CORO1B: variants seen among roughly 807,000 people sequenced by gnomAD.
The protein encoded by CORO1B is coronin-1B.
A neutral mutation model predicts 51.1 loss-of-function variants in CORO1B; 30 were observed. That is an observed-to-expected ratio of 0.59 (90% CI 0.44 to 0.80). CORO1B has a LOEUF of 0.80. Among genes scored for constraint, CORO1B ranks in the 30% least tolerant of loss-of-function variants. The probability of loss-of-function intolerance (pLI) is 0.00; values close to 1 mark genes in which losing one functional copy is unlikely to be tolerated. For synonymous variants in CORO1B, 310 were observed against 289.7 expected, an observed-to-expected ratio of 1.07 and a Z score of -0.71; for missense variants, 648 against 700.4, an observed-to-expected ratio of 0.93 and a Z score of 0.84.
intron 4 of CORO1B, 21 bp downstream of exon 4, chr11:67,441,712 A>G: frequency 6.6e-7 from 1 of 1,508,612 alleles, no homozygotes; most frequent in Non-Finnish European, 9.0e-7. Flanking sequence ...GGGGGAGCAC[A>G]AAACGGGGGG....
Position 67,440,275 on chromosome 11 carries a change from G to A in CORO1B, c.862-12C>T, listed in dbSNP as rs756947197. 3.1e-6 allele frequency: 5 copies of A among 1,612,862 alleles called. No individual in the cohort carries two copies. The highest frequency in any genetic ancestry group is 1.1e-5 in the South Asian group (1 of 91,066). On this transcript the variant is annotated splice_polypyrimidine_tract_variant and intron_variant, in intron 7 of 10. Coordinates refer to ENST00000341356, the MANE Select transcript of CORO1B (RefSeq NM_020441.3). Reference sequence around the variant, plus strand: ...ATGCTGGAGTCACCCTGTGTGGGGAGGGGGCTCAGCACCTGGGCACGCCTC... The same window carrying A: ...ATGCTGGAGTCACCCTGTGTGGGGAAGGGGCTCAGCACCTGGGCACGCCTC...
In CORO1B at chr11:67,438,837, C is replaced by T. The variant is rs533972586; in HGVS notation, c.1178G>A (p.Arg393Gln). 19 of 1,609,484 alleles carry T rather than the reference C, an allele frequency of 1.2e-5. No homozygotes were observed. The highest frequency in any genetic ancestry group is 4.0e-5 in the African/African-American group (3 of 75,026). ...CTGCTTGCTGGGCACGTAGGCCTCC[C>T]GCAGTGAGATGAGGATCGGGTCGGC... ...RDADPILISL[R>Q]EAYVPSKQRD... Residue 393 changes from arginine to glutamine, a missense_variant, in exon 10 of 11, where the codon CGG becomes CAG. Transcript: ENST00000341356.
intron 9 of CORO1B, among the ~76,000 whole-genome samples, 176 bp from the exon 10 acceptor site, chr11:67,439,125 T>C (rs997947957): frequency 2.0e-5 from 3 of 152,208 alleles, no homozygotes; most frequent in South Asian, 2.1e-4. Flanking sequence ...TCGGAAGCTT[T>C]CCCACCCTTC....
rs1281954024 is a variant in CORO1B at position 67,438,458 on chromosome 11, A to G, written c.1388T>C (p.Leu463Pro). ...GCCCTGCTCCTTGACCAGCGCCCTC[A>G]GGGCCCGCAGCTCCTGCATCACCTC... Reference protein sequence around the residue: ...LEEVMQELRALRALVKEQGDR... With the variant: ...LEEVMQELRAPRALVKEQGDR... The change falls in exon 11 of 11, where the codon CTG becomes CCG. Residue 463 changes from leucine (L) to proline (P), a missense_variant. Leu to Pro is a moderately conservative substitution (Grantham distance 98). Transcript: ENST00000341356. 1.2e-6 allele frequency: 2 copies of G among 1,610,974 alleles called. No individual in the cohort carries two copies. Among genetic ancestry groups the G allele is most frequent in the Admixed American group, 1.7e-5 (1 of 59,956 alleles).
Position 67,438,776 on chromosome 11 carries a change from A to C in CORO1B, c.1239T>G (p.Ser413=), listed in dbSNP as rs34026289. 2,935 of 1,589,036 alleles carry C rather than the reference A, an allele frequency of 1.8e-3. 40 individuals are homozygous for C. The African/African-American group carries it at 0.031, about 17-fold the overall frequency. The stretch of plus-strand genomic sequence containing the variant: ...CCGGGGCCATGGCGGGCCGGCTGTC[A>C]GACAACACGTTGCGCCGGCTGATCT... The part of the protein sequence containing the change: ...DLKISRRNVL[S]DSRPAMAPGS... Residue 413 remains serine, a synonymous_variant, in exon 10 of 11, where the codon TCT becomes TCG. Transcript: ENST00000341356.
rs552124465 is a variant in CORO1B at position 67,435,691 on chromosome 11, G to A, written c.*2685C>T. The A allele has an allele frequency of 2.7e-5, 41 of 1,497,614 alleles. No homozygotes were observed. The highest frequency in any genetic ancestry group is 9.0e-5 in the Admixed American group (4 of 44,216). 92.8% of individuals were successfully genotyped at this position (1,497,614 alleles called of 1,614,324 possible). ...GCATCTTGGGAAGCAGAGGCACGGGGAGTGAGCGGCTGTGACAGGGATGGG... is the reference window on the plus strand; with the variant it reads ...GCATCTTGGGAAGCAGAGGCACGGGAAGTGAGCGGCTGTGACAGGGATGGG... On this transcript the variant is annotated 3_prime_UTR_variant, in exon 11 of 11. Transcript: ENST00000341356.
chr11:67,441,702 G>A (rs368936463), intron 4 of CORO1B, 31 bp downstream of exon 4: 16 of 1,413,804 alleles, frequency 1.1e-5, no homozygotes, highest in East Asian at 1.0e-4. Flanking sequence ...TCCGTGGGGG[G>A]GGGGAGCACA....
intron 8 of CORO1B, 112 bp from the exon 9 acceptor site, chr11:67,439,955 G>A (rs2302264): frequency 0.42 from 583,649 of 1,380,470 alleles, 122,711 homozygotes; most frequent in Admixed American, 0.53. Context: ...TCCGCAGGCC[G>A]ACCCCTAAGG....
At chr11:67,442,180 C>A in intron 2 of CORO1B, 92 bp from the exon 3 acceptor site, 1 of 1,563,094 alleles carries the variant, frequency 6.4e-7, no homozygotes, top group South Asian at 1.2e-5. Context: ...CACGTCCCGG[C>A]TCACAGGTGG....
chr11:67,436,270 G>C lies in CORO1B; in HGVS notation c.*2106C>G. On this transcript the variant is annotated 3_prime_UTR_variant, in exon 11 of 11. Transcript: ENST00000341356. ...CAACGGTGACAGAGCTGGAGCCCACGCTGTCCTCCGCGCTGCCACCCGAGC... is the reference window on the plus strand; with the variant it reads ...CAACGGTGACAGAGCTGGAGCCCACCCTGTCCTCCGCGCTGCCACCCGAGC... The C allele has an allele frequency of 6.5e-7, 1 of 1,541,896 alleles. No individual in the cohort carries two copies. Among genetic ancestry groups the C allele is most frequent in the Non-Finnish European group, 8.7e-7 (1 of 1,148,094 alleles).
At chr11:67,443,738 C>A (rs1864443239), upstream of CORO1B, 5 of 985,232 alleles carry the variant, frequency 5.1e-6, no homozygotes, top group South Asian at 2.3e-4. Context: ...GCCGCAGGTG[C>A]GGGTGCAGCC....
chr11:67,440,932 C>T, intron 6 of CORO1B, 193 bp downstream of exon 6: 1 of 734,940 alleles, frequency 1.4e-6, no homozygotes, highest in Non-Finnish European at 2.3e-6. Context: ...CAGTGGGAGG[C>T]CATGGGGGAG....
At position 67,442,503 on chromosome 11, in the gene CORO1B, G is replaced by C; in HGVS notation, c.126C>G (p.Ala42=). The change falls in exon 2 of 11, where the codon GCC becomes GCG. Residue 42 remains alanine, a synonymous_variant. Transcript: ENST00000341356. Reference sequence around the variant, plus strand: ...TCACCGCCAGGAACTTGGGGTTGACGGCGCAGAAGGTGCTGTCCCAGGTAA... The same window carrying C: ...TCACCGCCAGGAACTTGGGGTTGACCGCGCAGAAGGTGCTGTCCCAGGTAA... ...SRVTWDSTFC[A]VNPKFLAVIV... is the part of the protein sequence containing the mutation. 6.2e-7 allele frequency: 1 copy of C among 1,613,648 alleles called. No homozygotes were observed. The highest frequency in any genetic ancestry group is 1.3e-5 in the African/African-American group (1 of 75,056).
rs199927418 is a variant in CORO1B at position 67,435,698 on chromosome 11, C to G, written c.*2678G>C. 6.7e-7 allele frequency: 1 copy of G among 1,498,222 alleles called. No individual in the cohort carries two copies. The highest frequency in any genetic ancestry group is 2.3e-5 in the East Asian group (1 of 43,580). The allele number at this position is 1,498,222 out of a possible 1,614,324, so 92.8% of individuals were successfully genotyped here. On this transcript the variant is annotated 3_prime_UTR_variant, in exon 11 of 11. Coordinates refer to ENST00000341356, the MANE Select transcript of CORO1B (RefSeq NM_020441.3). Reference sequence around the variant, plus strand: ...GGGAAGCAGAGGCACGGGGAGTGAGCGGCTGTGACAGGGATGGGACACCAA... The same window carrying G: ...GGGAAGCAGAGGCACGGGGAGTGAGGGGCTGTGACAGGGATGGGACACCAA...
Position 67,441,196 on chromosome 11 carries a change from G to A in CORO1B, c.685C>T (p.Leu229=), listed in dbSNP as rs1486755739. Residue 229 remains leucine, a synonymous_variant, in exon 6 of 11, where the codon CTG becomes TTG. Coordinates refer to ENST00000341356, the MANE Select transcript of CORO1B (RefSeq NM_020441.3). ...GTGGTGAACACCTTGCCATCTGCCA[G>A]GAAGATGGCCCGCATGGGCCGGGCC... ...EGARPMRAIF[L]ADGKVFTTGF... is the part of the protein sequence containing the mutation. The A allele has an allele frequency of 6.2e-7, 1 of 1,613,176 alleles. No individual in the cohort carries two copies. The highest frequency in any genetic ancestry group is 2.2e-5 in the East Asian group (1 of 44,876).
Position 67,438,399 on chromosome 11 carries a change from G to T in CORO1B, c.1447C>A (p.Arg483Ser). The T allele has an allele frequency of 6.2e-7, 1 of 1,608,118 alleles. No homozygotes were observed. The highest frequency in any genetic ancestry group is 8.5e-7 in the Non-Finnish European group (1 of 1,176,712). Reference protein sequence around the residue: ...RICRLEEQLGRMENGDA With the variant: ...RICRLEEQLGSMENGDA Reference sequence around the variant, plus strand: ...CCCTACGCATCCCCGTTCTCCATGCGGCCCAGCTGCTCCTCCAGGCGGCAG... The same window carrying T: ...CCCTACGCATCCCCGTTCTCCATGCTGCCCAGCTGCTCCTCCAGGCGGCAG... Residue 483 changes from arginine (R) to serine (S), a missense_variant, in exon 11 of 11, where the codon CGC (arginine) becomes AGC (serine). Coordinates refer to ENST00000341356, the MANE Select transcript of CORO1B (RefSeq NM_020441.3).
Position 67,438,815 on chromosome 11 carries a change from C to T in CORO1B, c.1200G>A (p.Lys400=), listed in dbSNP as rs1027077504. 1 of 1,607,840 alleles carries T rather than the reference C, an allele frequency of 6.2e-7. No homozygotes were observed. The highest frequency in any genetic ancestry group is 8.5e-7 in the Non-Finnish European group (1 of 1,178,556). Reference sequence around the variant, plus strand: ...GCCGGCTGATCTTCAGGTCCCGCTGCTTGCTGGGCACGTAGGCCTCCCGCA... The same window carrying T: ...GCCGGCTGATCTTCAGGTCCCGCTGTTTGCTGGGCACGTAGGCCTCCCGCA... ...ISLREAYVPS[K]QRDLKISRRN... is the part of the protein sequence containing the mutation. The change falls in exon 10 of 11, where the codon AAG becomes AAA. Residue 400 remains lysine (K), a synonymous_variant. Coordinates refer to ENST00000341356, the MANE Select transcript of CORO1B (RefSeq NM_020441.3).
In CORO1B at chr11:67,441,332, C is replaced by T. The variant is rs1408402679; in HGVS notation, c.636+1G>A. On this transcript the variant is annotated splice_donor_variant, in intron 5 of 10. Transcript: ENST00000341356. LOFTEE classifies it high-confidence loss of function. ...CATCCTTGCCCTCCAGAGCCACGTA[C>T]TGCCACCAGGGTGCCCCGACGGGGG... is the stretch of plus-strand genomic sequence containing the variant. 1 of 1,613,540 alleles carries T rather than the reference C, an allele frequency of 6.2e-7. No homozygotes were observed. The highest frequency in any genetic ancestry group is 8.5e-7 in the Non-Finnish European group (1 of 1,179,984).
At position 67,441,626 on chromosome 11, in the gene CORO1B, C is replaced by CT. The variant is rs373669253; in HGVS notation, c.454+106dup. 3.7e-4 allele frequency: 573 copies of CT among 1,543,420 alleles called. No individual in the cohort carries two copies. In the African/African-American group the frequency reaches 4.3e-3, roughly 12 times the overall value. On this transcript the variant is annotated intron_variant, in intron 4 of 10. Transcript: ENST00000341356. Reference sequence around the variant, plus strand: ...CTGGGACAGACGGGTCTCTCCAACTCTGAGGGCCTCAGCTTTCCCATTTGT... The same window carrying CT: ...CTGGGACAGACGGGTCTCTCCAACTCTTGAGGGCCTCAGCTTTCCCATTTGT...
Sources: allele counts gnomAD v4.1 joint callset (sites outside exome capture counted in the v4.1 genomes callset), GRCh38; gene constraint gnomAD v4.1.1; transcripts MANE v1.5; gene names NCBI Gene and HGNC (gene_info 2026-07-23, HGNC 2026-07-21).